NUDCD1: variants seen among roughly 807,000 people sequenced by gnomAD.
NUDCD1 encodes nudC domain-containing protein 1.
In NUDCD1, 60 loss-of-function variants were observed where a neutral mutation model predicts 67.8. That is an observed-to-expected ratio of 0.88 (90% CI 0.72 to 1.10). The LOEUF (loss-of-function observed/expected upper bound fraction) is 1.10. NUDCD1 is among the 50% of genes least tolerant of loss of function. NUDCD1 has a pLI of 0.00. For synonymous variants in NUDCD1, 244 were observed against 230.8 expected (o/e 1.06, Z -0.52); for missense variants, 643 against 695.0 (o/e 0.93, Z 0.84).
intron 8 of NUDCD1, among the ~76,000 whole-genome samples, chr8:109,247,084 T>C (rs1813515581): frequency 6.6e-6 from 1 of 152,180 alleles, no homozygotes; most frequent in Non-Finnish European, 1.5e-5. Flanking sequence ...ATTTCTTTTC[T>C]CTCCTTACTC....
intron 8 of NUDCD1, among the ~76,000 whole-genome samples, chr8:109,255,956 T>A (rs778600995): frequency 2.0e-5 from 3 of 152,180 alleles, no homozygotes; most frequent in Non-Finnish European, 4.4e-5. Context: ...ACACCTGTTA[T>A]CCCAGCAATT....
At chr8:109,333,532 G>C (rs915688953) in intron 1 of NUDCD1, among the ~76,000 whole-genome samples, 2 of 152,206 alleles carry the variant, frequency 1.3e-5, no homozygotes, top group African/African-American at 4.8e-5. Context: ...ACGTTCACAA[G>C]CGATGCTCCA....
chr8:109,261,969 T>C (rs1813872458), intron 8 of NUDCD1, among the ~76,000 whole-genome samples: 1 of 151,964 alleles, frequency 6.6e-6, no homozygotes, highest in Non-Finnish European at 1.5e-5. Context: ...CACACACAGG[T>C]ATGGAGCACT....
chr8:109,248,230 C>T (rs1193072904), intron 8 of NUDCD1, among the ~76,000 whole-genome samples: 1 of 152,174 alleles, frequency 6.6e-6, no homozygotes, highest in Non-Finnish European at 1.5e-5. Context: ...CCCCTAGAGC[C>T]TCCAGAATGA....
rs377524578 is a variant in NUDCD1 at position 109,251,567 on chromosome 8, T to C, written c.1300-6086A>G. Among the ~76,000 whole-genome samples the C allele has an allele frequency of 4.6e-5, 7 of 152,230 alleles. No homozygotes were observed. The East Asian group carries it at 7.7e-4, about 17-fold the overall frequency. ...AAATACATGGAAATATAGTTGTGCA[T>C]AAGACTTCATTGGTTACACTTTAGT... On this transcript the variant is annotated intron_variant, in intron 8 of 9. Transcript: ENST00000239690.
intron 1 of NUDCD1, among the ~76,000 whole-genome samples, chr8:109,331,647 A>G (rs575544981): frequency 3.0e-4 from 46 of 152,288 alleles, no homozygotes; most frequent in Non-Finnish European, 6.2e-4. Flanking sequence ...AATTTTTTCT[A>G]AAGTTAAAGT....
At chr8:109,302,462 T>C (rs187721457) in intron 2 of NUDCD1, among the ~76,000 whole-genome samples, 2 of 152,120 alleles carry the variant, frequency 1.3e-5, no homozygotes, top group Non-Finnish European at 2.9e-5. Flanking sequence ...CAGACCCATC[T>C]GACCTCTCCC....
chr8:109,297,730 T>C (rs7813597), intron 2 of NUDCD1, among the ~76,000 whole-genome samples: 11,204 of 152,228 alleles, frequency 0.074, 1,345 homozygotes, highest in African/African-American at 0.25. Context: ...GGTATTTTGT[T>C]ACAGCAGCAC....
At position 109,270,329 on chromosome 8, in the gene NUDCD1, TA is replaced by T. The variant is rs74847351; in HGVS notation, c.1299+675del. The stretch of plus-strand genomic sequence containing the variant: ...GTTATTACATAAAATAACTTGACAG[TA>T]AAAAAAAAAAAGATTGGCACAAGTT... On this transcript the variant is annotated intron_variant, in intron 8 of 9. Transcript: ENST00000239690. 9.9e-3 allele frequency among the ~76,000 whole-genome samples: 1,369 copies of T among 138,172 alleles called. 2 individuals carry two copies. Among genetic ancestry groups the T allele is most frequent in the Middle Eastern group, 0.022 (6 of 268 alleles). The allele number at this position is 138,172 out of a possible 152,430, so 90.6% of individuals were successfully genotyped here.
chr8:109,245,453 A>G lies in NUDCD1; in HGVS notation c.1328T>C (p.Phe443Ser). 1 of 1,612,890 alleles carries G rather than the reference A, an allele frequency of 6.2e-7. No individual in the cohort carries two copies. The highest frequency in any genetic ancestry group is 1.3e-5 in the African/African-American group (1 of 74,978). ...VVNLGSNQYL[F>S]SVIVDPKEMP... Reference sequence around the variant, plus strand: ...TTCTTTAGGATCCACTATGACAGAGAAAAGGTACTGGTTGCTTCCAAGATT... The same window carrying G: ...TTCTTTAGGATCCACTATGACAGAGGAAAGGTACTGGTTGCTTCCAAGATT... The change falls in exon 9 of 10, where the codon TTC becomes TCC. Residue 443 changes from phenylalanine to serine, a missense_variant. By Grantham distance (155) the Phe-to-Ser change is radical. Coordinates refer to ENST00000239690, the MANE Select transcript of NUDCD1 (RefSeq NM_032869.4).
chr8:109,272,121 A>C (rs926007553), intron 7 of NUDCD1, among the ~76,000 whole-genome samples: 6 of 152,092 alleles, frequency 3.9e-5, no homozygotes, highest in Non-Finnish European at 8.8e-5. Context: ...ATAGAGGAAA[A>C]GGCAAATATA....
At chr8:109,270,812 A>G (rs1022986268) in intron 8 of NUDCD1, among the ~76,000 whole-genome samples, 193 bp downstream of exon 8, 2 of 152,188 alleles carry the variant, frequency 1.3e-5, no homozygotes, top group Non-Finnish European at 2.9e-5. Flanking sequence ...AGATATCAAT[A>G]TACAGTGGTA....
At chr8:109,310,784 T>G (rs1815225261) in intron 2 of NUDCD1, among the ~76,000 whole-genome samples, 1 of 145,942 alleles carries the variant, frequency 6.9e-6, no homozygotes, top group South Asian at 2.2e-4. Flanking sequence ...CATCAAAAAG[T>G]GGGCTAAGGA....
chr8:109,252,598 C>T (rs553267850), intron 8 of NUDCD1, among the ~76,000 whole-genome samples: 1 of 152,304 alleles, frequency 6.6e-6, no homozygotes, highest in South Asian at 2.1e-4. Flanking sequence ...AGCAACTTCC[C>T]TTGTGTCTGT....
intron 8 of NUDCD1, among the ~76,000 whole-genome samples, chr8:109,256,799 CA>C (rs564936045): frequency 8.6e-5 from 12 of 139,950 alleles, no homozygotes; most frequent in African/African-American, 1.0e-4. Flanking sequence ...GTATTCCTGG[CA>C]AAAAAAAAAT....
intron 2 of NUDCD1, among the ~76,000 whole-genome samples, chr8:109,312,031 G>A (rs959163604): frequency 1.3e-5 from 2 of 152,016 alleles, no homozygotes; most frequent in Non-Finnish European, 2.9e-5. Context: ...GGCTGGGCGC[G>A]GTGGCTCATG....
chr8:109,282,177 C>G lies in NUDCD1; in HGVS notation c.824-1005G>C, dbSNP rs9643046. On this transcript the variant is annotated intron_variant, in intron 5 of 9. Coordinates refer to ENST00000239690, the MANE Select transcript of NUDCD1 (RefSeq NM_032869.4). ...CAGTCTCGTCCTGCCCATCTTGGCC[C>G]CTACTCCCCGGGGCTGAGCAGGGAG... Among the ~76,000 whole-genome samples the G allele has an allele frequency of 4.7e-4, 71 of 152,274 alleles. No homozygotes were observed. The East Asian group carries it at 0.012, about 27-fold the overall frequency.
intron 6 of NUDCD1, among the ~76,000 whole-genome samples, chr8:109,276,465 T>C (rs1190003349): frequency 2.6e-5 from 4 of 152,218 alleles, no homozygotes; most frequent in Non-Finnish European, 4.4e-5. Flanking sequence ...ATAATAACTA[T>C]TATAGTTATC....
intron 2 of NUDCD1, among the ~76,000 whole-genome samples, chr8:109,311,556 G>GATATATATATATATAT (rs1563681331): frequency 3.1e-4 from 17 of 53,996 alleles, no homozygotes; most frequent in African/African-American, 1.9e-3. Flanking sequence ...AAGAAACTGT[G>GATATATATATATATAT]GTGTATATAT....
Sources: gnomAD v4.1 joint callset for allele counts (sites outside exome capture counted in the v4.1 genomes callset) on GRCh38, gnomAD v4.1.1 for gene constraint, MANE v1.5 for transcripts, NCBI Gene and HGNC (gene_info 2026-07-23, HGNC 2026-07-21) for gene names.